Variants in CTTNBP2NL observed in about 807,000 individuals in gnomAD.
The protein encoded by CTTNBP2NL is CTTNBP2 N-terminal like, also known as CTTNBP2 N-terminal-like protein.
Under a neutral mutation model 32.5 loss-of-function variants are expected in CTTNBP2NL, and 16 were observed. The ratio of observed to expected loss-of-function variants is 0.49; its 90% CI spans 0.33 to 0.75. The LOEUF (loss-of-function observed/expected upper bound fraction) is 0.75, where lower values mean the gene tolerates loss of function less well. CTTNBP2NL is among the 30% of genes least tolerant of loss of function. CTTNBP2NL has a pLI of 0.02. For missense variants in CTTNBP2NL, 645 were observed against 756.0 expected (o/e 0.85, Z 1.72); for synonymous variants, 298 against 289.4 (o/e 1.03, Z -0.30).
chr1:112,448,984 T>A lies in CTTNBP2NL; in HGVS notation c.142T>A (p.Tyr48Asn). ...DTFIEERYGK[Y>N]NISDPLMALQ... is the part of the protein sequence containing the mutation. Reference sequence around the variant, plus strand: ...TTTCATTGAAGAACGCTATGGAAAATATAACATCAGTGATCCTTTAATGGC... The same window carrying A: ...TTTCATTGAAGAACGCTATGGAAAAAATAACATCAGTGATCCTTTAATGGC... The change falls in exon 4 of 6, where the codon TAT becomes AAT. Residue 48 changes from tyrosine (Y) to asparagine (N), a missense_variant. Transcript: ENST00000271277. The A allele has an allele frequency of 1.2e-6, 2 of 1,613,152 alleles. No homozygotes were observed. The highest frequency in any genetic ancestry group is 1.7e-6 in the Non-Finnish European group (2 of 1,179,196).
At chr1:112,391,667 A>G (rs953965103), upstream of CTTNBP2NL, among the ~76,000 whole-genome samples, 7 of 151,986 alleles carry the variant, frequency 4.6e-5, no homozygotes, top group African/African-American at 1.7e-4. Flanking sequence ...ATTGCCACCC[A>G]CTATTCCCGC....
In CTTNBP2NL at chr1:112,415,661, A is replaced by AT. The variant is rs201790760; in HGVS notation, c.-9-494dup. Among the ~76,000 whole-genome samples the AT allele has an allele frequency of 7.3e-3, 1,104 of 151,256 alleles. 16 individuals are homozygous for AT. The highest frequency in any genetic ancestry group is 0.025 in the African/African-American group (1,035 of 41,186). ...AATCTTTGCCTCCCGCGTTCAAGTG[A>AT]TTCCCCTGCCTCAGCCTCCCGAGTA... is the stretch of plus-strand genomic sequence containing the variant. On this transcript the variant is annotated intron_variant, in intron 2 of 5. Coordinates refer to ENST00000271277, the MANE Select transcript of CTTNBP2NL (RefSeq NM_018704.3).
At chr1:112,411,408 T>G (rs1282895921) in intron 1 of CTTNBP2NL, among the ~76,000 whole-genome samples, 1 of 152,244 alleles carries the variant, frequency 6.6e-6, no homozygotes, top group Non-Finnish European at 1.5e-5. Flanking sequence ...AACAAAAAAT[T>G]ACATATAATT....
intron 5 of CTTNBP2NL, among the ~76,000 whole-genome samples, chr1:112,455,137 C>A (rs752267759): frequency 7.9e-5 from 12 of 152,098 alleles, no homozygotes; most frequent in Non-Finnish European, 1.3e-4. Context: ...TTTCTTCAAC[C>A]CTTTCCCTCT....
intron 1 of CTTNBP2NL, among the ~76,000 whole-genome samples, chr1:112,398,142 A>G (rs1570709638): frequency 1.3e-5 from 2 of 152,242 alleles, no homozygotes; most frequent in African/African-American, 4.8e-5. Flanking sequence ...TCAACAGAGA[A>G]CAGAAAATAA....
intron 1 of CTTNBP2NL, among the ~76,000 whole-genome samples, chr1:112,402,856 A>G (rs1306344391): frequency 6.6e-6 from 1 of 152,058 alleles, no homozygotes; most frequent in African/African-American, 2.4e-5. Context: ...TCACCACACT[A>G]ACAGACTCTT....
At chr1:112,454,413 G>T in intron 4 of CTTNBP2NL, 36 bp from the exon 5 acceptor site, 2 of 1,498,674 alleles carry the variant, frequency 1.3e-6, no homozygotes, top group Non-Finnish European at 1.9e-6. Flanking sequence ...GTGACTCCTT[G>T]ATATTTGAAA....
chr1:112,456,840 T>C lies in CTTNBP2NL; in HGVS notation c.1348T>C (p.Ser450Pro). 6.2e-7 allele frequency: 1 copy of C among 1,614,042 alleles called. No individual in the cohort carries two copies. Among genetic ancestry groups the C allele is most frequent in the East Asian group, 2.2e-5 (1 of 44,860 alleles). Reference sequence around the variant, plus strand: ...AGCTAGCAGCCCTGGCTACCAGTCATCGTACCAAGTAGGGATCAACCAACG... The same window carrying C: ...AGCTAGCAGCCCTGGCTACCAGTCACCGTACCAAGTAGGGATCAACCAACG... ...SSASSPGYQS[S>P]YQVGINQRFH... The change falls in exon 6 of 6, where the codon TCG (serine) becomes CCG (proline). Residue 450 changes from serine to proline, a missense_variant. Transcript: ENST00000271277.
chr1:112,431,165 G>A (rs1649560975), intron 3 of CTTNBP2NL, among the ~76,000 whole-genome samples: 1 of 152,214 alleles, frequency 6.6e-6, no homozygotes, highest in Admixed American at 6.5e-5. Flanking sequence ...CTTCAGAAAA[G>A]ATTACAGCAG....
At chr1:112,446,846 G>A (rs779576864) in intron 3 of CTTNBP2NL, among the ~76,000 whole-genome samples, 3 of 152,100 alleles carry the variant, frequency 2.0e-5, no homozygotes, top group South Asian at 2.1e-4. Flanking sequence ...TGCTGCGGCC[G>A]GCTATTCACC....
At chr1:112,438,820 G>A (rs921702354) in intron 3 of CTTNBP2NL, among the ~76,000 whole-genome samples, 5 of 152,180 alleles carry the variant, frequency 3.3e-5, no homozygotes, top group African/African-American at 4.8e-5. Context: ...CCTTACTGCA[G>A]TGATGACCAT....
intron 1 of CTTNBP2NL, among the ~76,000 whole-genome samples, chr1:112,409,624 G>A (rs1648793895): frequency 6.6e-6 from 1 of 152,146 alleles, no homozygotes; most frequent in South Asian, 2.1e-4. Context: ...GCCCTGTCCT[G>A]CCCTGTCCTA....
Position 112,456,403 on chromosome 1 carries a change from C to T in CTTNBP2NL, c.911C>T (p.Pro304Leu). ...GTGTCCAAAGGCACAGCAACTGAGC[C>T]TCTCATGCTAATGTCTGTGTTTTGC... ...VTVSKGTATE[P>L]LMLMSVFCQT... The change falls in exon 6 of 6, where the codon CCT (proline) becomes CTT (leucine). Residue 304 changes from proline (P) to leucine (L), a missense_variant. Physicochemically the swap from Pro to Leu is moderately conservative, Grantham distance 98 (BLOSUM62 -3). Coordinates refer to ENST00000271277, the MANE Select transcript of CTTNBP2NL (RefSeq NM_018704.3). The T allele has an allele frequency of 6.2e-7, 1 of 1,614,068 alleles. No individual in the cohort carries two copies. The highest frequency in any genetic ancestry group is 1.1e-5 in the South Asian group (1 of 91,078).
At chr1:112,435,142 CAAA>C (rs5777114) in intron 3 of CTTNBP2NL, among the ~76,000 whole-genome samples, 956 of 85,944 alleles carry the variant, frequency 0.011, 12 homozygotes, top group African/African-American at 0.042. Flanking sequence ...GACTCTGTCT[CAAA>C]AAAAAAAAAA....
intron 3 of CTTNBP2NL, among the ~76,000 whole-genome samples, chr1:112,433,290 G>A (rs1649627846): frequency 1.3e-5 from 2 of 152,026 alleles, no homozygotes; most frequent in Non-Finnish European, 2.9e-5. Context: ...GCATGCGTGC[G>A]TTTTGTTTTA....
intron 3 of CTTNBP2NL, among the ~76,000 whole-genome samples, chr1:112,428,305 T>C (rs2101013374): frequency 6.6e-6 from 1 of 152,326 alleles, no homozygotes; most frequent in Admixed American, 6.5e-5. Flanking sequence ...ACACATTTTT[T>C]TCTCAACTCT....
chr1:112,419,660 G>A (rs946682455), intron 3 of CTTNBP2NL, among the ~76,000 whole-genome samples: 8 of 152,086 alleles, frequency 5.3e-5, no homozygotes, highest in African/African-American at 1.9e-4. Flanking sequence ...ATAAAGACTG[G>A]TCTGAAATGA....
upstream of CTTNBP2NL, among the ~76,000 whole-genome samples, chr1:112,391,957 C>G (rs1648194478): frequency 6.6e-6 from 1 of 150,756 alleles, no homozygotes; most frequent in African/African-American, 2.5e-5. Context: ...GGCCGCTGCA[C>G]TCCAGTCTGG....
intron 5 of CTTNBP2NL, among the ~76,000 whole-genome samples, chr1:112,455,622 T>C (rs1292280163): frequency 6.6e-6 from 1 of 152,284 alleles, no homozygotes. Flanking sequence ...AAAATGTGGT[T>C]GATACAGCTT....
Sources: gnomAD v4.1 joint callset for allele counts (sites outside exome capture counted in the v4.1 genomes callset) on GRCh38, gnomAD v4.1.1 for gene constraint, MANE v1.5 for transcripts, NCBI Gene and HGNC (gene_info 2026-07-23, HGNC 2026-07-21) for gene names.